NRXN1: variants seen among roughly 807,000 people sequenced by gnomAD.
The protein encoded by NRXN1 is neurexin 1.
A neutral mutation model predicts 150.9 loss-of-function variants in NRXN1; 39 were observed. That is an observed-to-expected ratio of 0.26 (90% confidence interval 0.20 to 0.34). NRXN1 has a LOEUF of 0.34. Ranked by LOEUF, NRXN1 falls within the 10% of genes least tolerant of loss-of-function variation. The probability of loss-of-function intolerance (pLI) is 1.00; values close to 1 mark genes in which losing one functional copy is unlikely to be tolerated. For synonymous variants in NRXN1, 924 were observed against 757.0 expected (o/e 1.22, Z -3.62); for missense variants, 1,815 against 1,949.9 (o/e 0.93, Z 1.30).
At chr2:50,553,457 T>C (rs991163716) in intron 8 of NRXN1, among the ~76,000 whole-genome samples, 2 of 152,202 alleles carry the variant, frequency 1.3e-5, no homozygotes, top group African/African-American at 2.4e-5. Flanking sequence ...GCATTTGAAA[T>C]TGGATACCAT....
At chr2:50,198,674 T>A (rs964096258) in intron 18 of NRXN1, among the ~76,000 whole-genome samples, 10 of 152,224 alleles carry the variant, frequency 6.6e-5, no homozygotes, top group African/African-American at 2.4e-4. Flanking sequence ...AAGCAGTCCT[T>A]TATTATTCAA....
chr2:50,648,808 A>C (rs374991244), intron 5 of NRXN1, among the ~76,000 whole-genome samples: 50 of 151,416 alleles, frequency 3.3e-4, no homozygotes, highest in African/African-American at 1.2e-3. Flanking sequence ...TGAACTGCGA[A>C]GCCAAGGACT....
intron 5 of NRXN1, among the ~76,000 whole-genome samples, chr2:50,755,776 C>G (rs984153491): frequency 6.6e-6 from 1 of 151,876 alleles, no homozygotes; most frequent in Non-Finnish European, 1.5e-5. Flanking sequence ...CATCACTAAT[C>G]CAGATCCAGT....
intron 2 of NRXN1, among the ~76,000 whole-genome samples, chr2:50,946,838 T>G (rs1225109931): frequency 6.6e-6 from 1 of 152,210 alleles, no homozygotes; most frequent in Non-Finnish European, 1.5e-5. Flanking sequence ...AATAACTTTG[T>G]GCTGAAGGCA....
chr2:50,627,700 T>A (rs1681413928), intron 5 of NRXN1, among the ~76,000 whole-genome samples: 1 of 151,566 alleles, frequency 6.6e-6, no homozygotes, highest in Non-Finnish European at 1.5e-5. Flanking sequence ...AATAAGTAGA[T>A]CTCTGAGTCA....
chr2:50,154,840 A>G (rs182666329), intron 18 of NRXN1, among the ~76,000 whole-genome samples: 1 of 151,814 alleles, frequency 6.6e-6, no homozygotes, highest in Admixed American at 6.6e-5. Context: ...ATTGTTTGAG[A>G]TCAAAGAGTA....
At chr2:50,990,692 C>G (rs534247641) in intron 2 of NRXN1, among the ~76,000 whole-genome samples, 1 of 151,922 alleles carries the variant, frequency 6.6e-6, no homozygotes, top group African/African-American at 2.4e-5. Context: ...TCCTATTAAA[C>G]AGGAGTATGA....
intron 18 of NRXN1, among the ~76,000 whole-genome samples, chr2:50,183,272 G>T (rs868119663): frequency 6.6e-6 from 1 of 152,072 alleles, no homozygotes; most frequent in Non-Finnish European, 1.5e-5. Context: ...ATTGGCATCT[G>T]AGGTTTGAAA....
At chr2:50,097,725 TG>T (rs1700431213) in intron 18 of NRXN1, among the ~76,000 whole-genome samples, 1 of 152,046 alleles carries the variant, frequency 6.6e-6, no homozygotes, top group Non-Finnish European at 1.5e-5. Context: ...CTGCAACCTT[TG>T]CTTCCTTTGT....
chr2:50,781,141 A>T (rs1004674666), intron 5 of NRXN1, among the ~76,000 whole-genome samples: 4 of 152,192 alleles, frequency 2.6e-5, no homozygotes, highest in African/African-American at 9.7e-5. Flanking sequence ...TTCCTCAAGG[A>T]AATGCAAAGA....
intron 5 of NRXN1, among the ~76,000 whole-genome samples, chr2:50,856,123 T>C (rs1675241097): frequency 6.6e-6 from 1 of 151,984 alleles, no homozygotes. Flanking sequence ...TATTCTCAGT[T>C]TTCCCTGAGG....
chr2:50,751,075 G>A (rs1245422318), intron 5 of NRXN1, among the ~76,000 whole-genome samples: 2 of 152,054 alleles, frequency 1.3e-5, no homozygotes, highest in East Asian at 3.9e-4. Flanking sequence ...AGTACCTAAA[G>A]TCTACCTGAA....
intron 17 of NRXN1, among the ~76,000 whole-genome samples, chr2:50,252,258 C>CTTTTTTTTTTT (rs143522284): frequency 3.2e-4 from 22 of 69,714 alleles, no homozygotes; most frequent in East Asian, 4.3e-4. Flanking sequence ...TTTTTCTTTT[C>CTTTTTTTTTTT]TTTTTTTTTT....
intron 17 of NRXN1, among the ~76,000 whole-genome samples, chr2:50,418,609 T>C (rs1365325511): frequency 1.3e-5 from 2 of 151,978 alleles, no homozygotes; most frequent in Non-Finnish European, 2.9e-5. Flanking sequence ...GATTTTAAAA[T>C]TTTCATTAAA....
intron 5 of NRXN1, among the ~76,000 whole-genome samples, chr2:50,667,413 C>G (rs1481795860): frequency 1.3e-5 from 2 of 151,980 alleles, no homozygotes; most frequent in African/African-American, 4.8e-5. Flanking sequence ...CACATGTTCA[C>G]AGAATAAGAA....
intron 17 of NRXN1, among the ~76,000 whole-genome samples, chr2:50,360,970 C>T (rs983310970): frequency 1.3e-5 from 2 of 152,110 alleles, no homozygotes; most frequent in African/African-American, 2.4e-5. Flanking sequence ...CACTCAAAAC[C>T]GCACAACTAC....
At chr2:50,572,273 A>C (rs1670778108) in intron 8 of NRXN1, among the ~76,000 whole-genome samples, 1 of 152,182 alleles carries the variant, frequency 6.6e-6, no homozygotes, top group African/African-American at 2.4e-5. Flanking sequence ...TGAGGTCAAT[A>C]CCAGACAGGT....
At chr2:50,888,613 C>G (rs926269253) in intron 5 of NRXN1, among the ~76,000 whole-genome samples, 1 of 151,560 alleles carries the variant, frequency 6.6e-6, no homozygotes, top group Non-Finnish European at 1.5e-5. Context: ...AAATCATGAA[C>G]TGCAATAACT....
intron 19 of NRXN1, among the ~76,000 whole-genome samples, chr2:50,074,673 A>G (rs1696790541): frequency 6.6e-6 from 1 of 152,170 alleles, no homozygotes; most frequent in African/African-American, 2.4e-5. Flanking sequence ...AATCTTGACA[A>G]ATTGGTCTCT....
Sources: allele counts gnomAD v4.1 joint callset (sites outside exome capture counted in the v4.1 genomes callset), GRCh38; gene constraint gnomAD v4.1.1; transcripts MANE v1.5; gene names NCBI Gene and HGNC (gene_info 2026-07-23, HGNC 2026-07-21).